CUBN: variants seen among roughly 807,000 people sequenced by gnomAD.
CUBN encodes the protein cubilin, also known as 460 kDa receptor.
CUBN carries 282 observed loss-of-function variants against 405.3 expected under a neutral mutation model. The ratio of observed to expected loss-of-function variants is 0.70; its 90% CI spans 0.63 to 0.77. The LOEUF (loss-of-function observed/expected upper bound fraction) is 0.77. Among genes scored for constraint, CUBN ranks in the 30% least tolerant of loss-of-function variants. The pLI is 0.00. For synonymous variants in CUBN, 1,684 were observed against 1,617.0 expected, an observed-to-expected ratio of 1.04 and a Z score of -0.99; for missense variants, 4,514 against 4,475.2, an observed-to-expected ratio of 1.01 and a Z score of -0.25.
intron 58 of CUBN, 126 bp downstream of exon 58, chr10:16,874,248 A>T: frequency 9.9e-7 from 1 of 1,007,790 alleles, no homozygotes. Flanking sequence ...TAGGAACATC[A>T]CTCCTCTGTG....
At chr10:17,086,761 A>G (rs949057654) in intron 15 of CUBN, among the ~76,000 whole-genome samples, 4 of 152,214 alleles carry the variant, frequency 2.6e-5, no homozygotes, top group Non-Finnish European at 5.9e-5. Flanking sequence ...GATCAAAGTT[A>G]GATGGCAGCA....
chr10:16,907,763 C>A (rs1208232714), intron 48 of CUBN, 84 bp from the exon 49 acceptor site: 1 of 1,447,302 alleles, frequency 6.9e-7, no homozygotes, highest in Non-Finnish European at 9.6e-7. Flanking sequence ...AGCCCAGACC[C>A]ACTTCCTTTT....
intron 29 of CUBN, among the ~76,000 whole-genome samples, chr10:16,988,903 C>T (rs1313960894): frequency 1.3e-5 from 2 of 152,108 alleles, no homozygotes; most frequent in Non-Finnish European, 2.9e-5. Context: ...ATAAAATTCC[C>T]CTCTTACCTC....
chr10:16,868,851 C>A (rs1041519801), intron 59 of CUBN, among the ~76,000 whole-genome samples: 2 of 152,132 alleles, frequency 1.3e-5, no homozygotes, highest in Non-Finnish European at 2.9e-5. Context: ...ACAGGTCTTC[C>A]AACTTAAAAT....
intron 29 of CUBN, among the ~76,000 whole-genome samples, chr10:16,988,412 C>A (rs917138275): frequency 2.6e-5 from 4 of 152,138 alleles, no homozygotes; most frequent in Non-Finnish European, 5.9e-5. Context: ...GAGATGGAGT[C>A]ATGACTTGGC....
chr10:16,979,072 T>C (rs1833185652), intron 31 of CUBN, among the ~76,000 whole-genome samples: 1 of 152,134 alleles, frequency 6.6e-6, no homozygotes, highest in Non-Finnish European at 1.5e-5. Context: ...AGCCAAATCA[T>C]GAGTGAACTC....
chr10:16,915,102 C>A lies in CUBN; in HGVS notation c.7281G>T (p.Val2427=). ...DSIDTSSNTA[V]VRFVTDGSVT... ...CAGAGCCGTCTGTGACAAACCTGAC[C>A]ACAGCAGTATTGCTAGAAGTGTCTA... Residue 2427 remains valine (V), a synonymous_variant, in exon 47 of 67, where the codon GTG becomes GTT. Coordinates refer to ENST00000377833, the MANE Select transcript of CUBN (RefSeq NM_001081.4). 1.2e-6 allele frequency: 2 copies of A among 1,614,024 alleles called. No homozygotes were observed. The highest frequency in any genetic ancestry group is 1.7e-6 in the Non-Finnish European group (2 of 1,179,964).
intron 16 of CUBN, 96 bp downstream of exon 16, chr10:17,085,501 C>T: frequency 1.6e-6 from 2 of 1,227,340 alleles, no homozygotes; most frequent in South Asian, 1.2e-5. Flanking sequence ...CTAAGACAGT[C>T]AGTCATCCTC....
At position 16,918,685 on chromosome 10, in the gene CUBN, A is replaced by T; in HGVS notation, c.6937T>A (p.Tyr2313Asn). ...CTGTTGTCAGATCGAAATCTCAAAT[A>T]CATAACCTCTCCTGAGGACCACTGA... ...SSQWSSGEVM[Y>N]LRFRSDNSPT... is the part of the protein sequence containing the mutation. The change falls in exon 45 of 67, where the codon TAT becomes AAT. Residue 2313 changes from tyrosine to asparagine, a missense_variant. This residue lies in a region of CUBN where 1,613 missense variants were observed against 1,542.8 expected (regional missense o/e 1.05). Transcript: ENST00000377833. The T allele has an allele frequency of 6.2e-7, 1 of 1,613,948 alleles. No individual in the cohort carries two copies.
chr10:17,012,842 T>A (rs1252885085), intron 28 of CUBN, among the ~76,000 whole-genome samples: 1 of 152,218 alleles, frequency 6.6e-6, no homozygotes, highest in Non-Finnish European at 1.5e-5. Flanking sequence ...ACCCATTGTG[T>A]CTTTTTCCTT....
chr10:17,054,942 C>G (rs905592691), intron 22 of CUBN, among the ~76,000 whole-genome samples: 6 of 151,964 alleles, frequency 3.9e-5, no homozygotes, highest in African/African-American at 1.4e-4. Context: ...TTCTAACTAA[C>G]AAGACCAATA....
intron 60 of CUBN, among the ~76,000 whole-genome samples, chr10:16,844,973 G>A (rs190546143): frequency 7.2e-5 from 11 of 152,290 alleles, no homozygotes; most frequent in East Asian, 1.9e-4. Context: ...CTTGAATTAC[G>A]TTCTAAGTCT....
At chr10:16,915,225 C>T in intron 46 of CUBN, 53 bp from the exon 47 acceptor site, 1 of 1,609,386 alleles carries the variant, frequency 6.2e-7, no homozygotes, top group Non-Finnish European at 8.5e-7. Context: ...ATTTCCTTTA[C>T]CCTCTATTCA....
At chr10:17,073,300 A>T (rs1340120097) in intron 17 of CUBN, among the ~76,000 whole-genome samples, 5 of 152,208 alleles carry the variant, frequency 3.3e-5, no homozygotes, top group Admixed American at 6.5e-5. Flanking sequence ...TAAACTATAA[A>T]TTAACTTCCT....
intron 27 of CUBN, among the ~76,000 whole-genome samples, chr10:17,024,449 C>A (rs1834598504): frequency 6.6e-6 from 1 of 152,108 alleles, no homozygotes; most frequent in South Asian, 2.1e-4. Flanking sequence ...ATTAAAATTA[C>A]AAGTAATTAT....
intron 34 of CUBN, 100 bp from the exon 35 acceptor site, chr10:16,948,706 C>A: frequency 6.7e-7 from 1 of 1,482,486 alleles, no homozygotes; most frequent in Non-Finnish European, 9.2e-7. Flanking sequence ...GAGACCAAAA[C>A]AAAGTGAAGA....
At chr10:16,858,654 C>A (rs572993988) in intron 59 of CUBN, among the ~76,000 whole-genome samples, 2 of 152,136 alleles carry the variant, frequency 1.3e-5, no homozygotes, top group African/African-American at 2.4e-5. Context: ...AAGGCACAGG[C>A]CTTCAAATAG....
At chr10:17,079,125 G>A (rs966370296) in intron 17 of CUBN, among the ~76,000 whole-genome samples, 6 of 151,912 alleles carry the variant, frequency 3.9e-5, no homozygotes, top group African/African-American at 1.5e-4. Flanking sequence ...CATCACGATG[G>A]TCCAGCAGTT....
At chr10:16,965,369 G>A (rs1843359918) in intron 31 of CUBN, among the ~76,000 whole-genome samples, 1 of 152,188 alleles carries the variant, frequency 6.6e-6, no homozygotes, top group Admixed American at 6.5e-5. Context: ...AATCACGCAT[G>A]CTTTGCCTAA....
Sources: gnomAD v4.1 joint callset for allele counts (sites outside exome capture counted in the v4.1 genomes callset) on GRCh38, gnomAD v4.1.1 for gene constraint, gnomAD v4.1.1 regional missense constraint, MANE v1.5 for transcripts, NCBI Gene and HGNC (gene_info 2026-07-23, HGNC 2026-07-21) for gene names.